Variants in UNC13C observed in about 807,000 individuals in gnomAD.
The protein encoded by UNC13C is protein unc-13 homolog C.
UNC13C carries 174 observed loss-of-function variants against 245.4 expected under a neutral mutation model. That is an observed-to-expected ratio of 0.71 (90% CI 0.63 to 0.80). UNC13C has a LOEUF of 0.80. Ranked by LOEUF, UNC13C falls within the 30% of genes least tolerant of loss-of-function variation. UNC13C has a pLI of 0.00. For missense variants in UNC13C, 2,829 were observed against 2,602.9 expected, an observed-to-expected ratio of 1.09 and a Z score of -1.89; for synonymous variants, 992 against 895.1, an observed-to-expected ratio of 1.11 and a Z score of -1.93.
intron 25 of UNC13C, among the ~76,000 whole-genome samples, chr15:54,526,720 G>C (rs2141140412): frequency 7.0e-6 from 1 of 143,614 alleles, no homozygotes; most frequent in South Asian, 2.2e-4. Context: ...CTCCAGCCTG[G>C]GCAACAGAGA....
At chr15:54,192,825 A>C (rs1175398092) in intron 4 of UNC13C, among the ~76,000 whole-genome samples, 1 of 152,004 alleles carries the variant, frequency 6.6e-6, no homozygotes, top group Non-Finnish European at 1.5e-5. Flanking sequence ...AATTACAGAC[A>C]ATAGTTTTTA....
chr15:54,236,470 G>T (rs2035703154), intron 6 of UNC13C, 35 bp downstream of exon 6: 2 of 1,574,882 alleles, frequency 1.3e-6, no homozygotes, highest in Non-Finnish European at 1.7e-6. Flanking sequence ...TTAATATTTT[G>T]CAGTCTTCTC....
intron 2 of UNC13C, among the ~76,000 whole-genome samples, chr15:54,078,132 T>C (rs1259135911): frequency 6.6e-6 from 1 of 152,250 alleles, no homozygotes; most frequent in Non-Finnish European, 1.5e-5. Context: ...TCCATGTTGC[T>C]GTAAAATACA....
rs570868450 is a variant in UNC13C at position 54,055,848 on chromosome 15, G to A, written c.2983+39962G>A. ...AAAATATATGTTTTGCGTCCAATGG[G>A]TACATTTATCATTGACAGCTGGAAA... On this transcript the variant is annotated intron_variant, in intron 2 of 32. Coordinates refer to ENST00000260323, the MANE Select transcript of UNC13C (RefSeq NM_001080534.3). Among the ~76,000 whole-genome samples the A allele has an allele frequency of 7.2e-5, 11 of 152,210 alleles. No homozygotes were observed. In the South Asian group the frequency reaches 2.3e-3, roughly 32 times the overall value.
chr15:54,559,411 C>T (rs1256947673), intron 29 of UNC13C, among the ~76,000 whole-genome samples: 1 of 151,910 alleles, frequency 6.6e-6, no homozygotes, highest in Admixed American at 6.6e-5. Flanking sequence ...TTCTTTTCAC[C>T]ATTACAAGTA....
intron 30 of UNC13C, among the ~76,000 whole-genome samples, chr15:54,613,038 C>G (rs2141292568): frequency 6.6e-6 from 1 of 151,888 alleles, no homozygotes; most frequent in African/African-American, 2.4e-5. Flanking sequence ...TTATTTGTCT[C>G]TCAAGAACAA....
At chr15:53,891,629 C>G in the UNC13C span, among the ~76,000 whole-genome samples, 1 of 151,942 alleles carries the variant, frequency 6.6e-6, no homozygotes. Flanking sequence ...TTTTTTGTCT[C>G]TTTTGATCTT....
chr15:53,954,856 G>A, the UNC13C span, among the ~76,000 whole-genome samples: 1 of 152,118 alleles, frequency 6.6e-6, no homozygotes, highest in South Asian at 2.1e-4. Flanking sequence ...ACAGTAAATA[G>A]ACTATATGCT....
At position 54,460,553 on chromosome 15, in the gene UNC13C, C is replaced by A. The variant is rs540243025; in HGVS notation, c.4934-34055C>A. Among the ~76,000 whole-genome samples, 3 of 152,292 alleles carry A rather than the reference C, an allele frequency of 2.0e-5. No individual in the cohort carries two copies. In the South Asian group the frequency reaches 6.2e-4, roughly 32 times the overall value. ...AGGAAGTGGCACTTTCAAGAGAGCACCAGCTCCAGTAATAGAAGGGGGATA... is the reference window on the plus strand; with the variant it reads ...AGGAAGTGGCACTTTCAAGAGAGCAACAGCTCCAGTAATAGAAGGGGGATA... On this transcript the variant is annotated intron_variant, in intron 19 of 32. Transcript: ENST00000260323.
chr15:54,477,411 T>G, intron 19 of UNC13C, among the ~76,000 whole-genome samples: 1 of 105,678 alleles, frequency 9.5e-6, no homozygotes, highest in African/African-American at 3.5e-5. Context: ...ATGCTTCCAG[T>G]TTTTGCCCAT....
the UNC13C span, among the ~76,000 whole-genome samples, chr15:53,850,128 A>G: frequency 6.6e-6 from 1 of 151,940 alleles, no homozygotes; most frequent in African/African-American, 2.4e-5. Context: ...ATAGAATTCT[A>G]GGGGGCGCTG....
At chr15:53,952,791 T>A in the UNC13C span, among the ~76,000 whole-genome samples, 2 of 152,316 alleles carry the variant, frequency 1.3e-5, no homozygotes, top group South Asian at 4.1e-4. Flanking sequence ...TCAAAGTCCA[T>A]CCTTCTTACT....
the UNC13C span, among the ~76,000 whole-genome samples, chr15:53,890,875 C>T: frequency 6.6e-6 from 1 of 152,082 alleles, no homozygotes; most frequent in African/African-American, 2.4e-5. Context: ...CAGTTCTGCT[C>T]TGATCTTAGT....
At chr15:54,085,340 A>T (rs891517175) in intron 2 of UNC13C, among the ~76,000 whole-genome samples, 15 of 152,290 alleles carry the variant, frequency 9.8e-5, no homozygotes, top group Middle Eastern at 6.8e-3. Flanking sequence ...AAAGCAAAAG[A>T]TACAAAACAT....
At chr15:54,297,072 C>G (rs578053687) in intron 11 of UNC13C, among the ~76,000 whole-genome samples, 4 of 152,188 alleles carry the variant, frequency 2.6e-5, no homozygotes, top group African/African-American at 9.6e-5. Flanking sequence ...TGTTATAAAC[C>G]AGAACTTTGG....
intron 2 of UNC13C, among the ~76,000 whole-genome samples, chr15:54,072,428 G>C (rs533088490): frequency 6.6e-6 from 1 of 152,256 alleles, no homozygotes; most frequent in African/African-American, 2.4e-5. Context: ...TGGTAGCTGA[G>C]GCTGTCCTTT....
At chr15:54,218,987 T>C (rs2035132284) in intron 4 of UNC13C, among the ~76,000 whole-genome samples, 1 of 151,978 alleles carries the variant, frequency 6.6e-6, no homozygotes, top group Non-Finnish European at 1.5e-5. Flanking sequence ...TGCTCATGGG[T>C]AGGAAGAATC....
At chr15:54,134,615 G>T (rs1235362424) in intron 2 of UNC13C, among the ~76,000 whole-genome samples, 1 of 152,016 alleles carries the variant, frequency 6.6e-6, no homozygotes, top group Non-Finnish European at 1.5e-5. Context: ...CGCCCCCAGG[G>T]TTCACGCCAT....
intron 19 of UNC13C, among the ~76,000 whole-genome samples, chr15:54,488,700 A>G (rs943077795): frequency 6.6e-6 from 1 of 152,206 alleles, no homozygotes; most frequent in African/African-American, 2.4e-5. Context: ...ATTCTTCCCA[A>G]TTGCCAAGCC....
Sources: gnomAD v4.1 joint callset for allele counts (sites outside exome capture counted in the v4.1 genomes callset) on GRCh38, gnomAD v4.1.1 for gene constraint, MANE v1.5 for transcripts, NCBI Gene and HGNC (gene_info 2026-07-23, HGNC 2026-07-21) for gene names.